Variants in DIS3L2 observed in about 807,000 individuals in gnomAD.
DIS3L2 encodes the protein DIS3-like exonuclease 2.
Under a neutral mutation model 97.5 loss-of-function variants are expected in DIS3L2, and 34 were observed. That is an observed-to-expected ratio of 0.35 (90% CI 0.27 to 0.46). The LOEUF is 0.46. Ranked by LOEUF, DIS3L2 falls within the 20% of genes least tolerant of loss-of-function variation. The pLI is 1.00. For synonymous variants in DIS3L2, 435 were observed against 445.2 expected, an observed-to-expected ratio of 0.98 and a Z score of 0.29; for missense variants, 1,038 against 1,146.0, an observed-to-expected ratio of 0.91 and a Z score of 1.36.
chr2:232,122,296 T>A lies in DIS3L2; in HGVS notation c.602-8323T>A, dbSNP rs140945694. Among the ~76,000 whole-genome samples the A allele has an allele frequency of 5.3e-4, 80 of 152,346 alleles. 1 individual carries two copies. The East Asian group carries it at 0.015, about 29-fold the overall frequency. ...TATTAATTTCATTTAATCCTCCCATTAACTCCTTAGGGTAAGTTACATTTT... is the reference window on the plus strand; with the variant it reads ...TATTAATTTCATTTAATCCTCCCATAAACTCCTTAGGGTAAGTTACATTTT... On this transcript the variant is annotated intron_variant, in intron 6 of 20. Transcript: ENST00000325385.
intron 5 of DIS3L2, among the ~76,000 whole-genome samples, chr2:232,064,385 C>T (rs947420724): frequency 6.6e-5 from 10 of 152,038 alleles, no homozygotes; most frequent in African/African-American, 9.7e-5. Flanking sequence ...TCACTGTTGC[C>T]GACTAGTATT....
At chr2:232,182,062 A>G (rs527512690) in intron 9 of DIS3L2, among the ~76,000 whole-genome samples, 1 of 152,270 alleles carries the variant, frequency 6.6e-6, no homozygotes, top group East Asian at 1.9e-4. Context: ...TTATAAAGGC[A>G]TTTACAGCTA....
intron 1 of DIS3L2, among the ~76,000 whole-genome samples, chr2:231,967,261 A>ATAATGC (rs1163384786): frequency 1.3e-5 from 2 of 152,218 alleles, no homozygotes; most frequent in Non-Finnish European, 2.9e-5. Flanking sequence ...AGGAAGTTAT[A>ATAATGC]TAATGCTAAT....
rs554730142 is a variant in DIS3L2, at chr2:232,275,332, T to G, written c.1659+11892T>G. Among the ~76,000 whole-genome samples, 271 of 152,348 alleles carry G rather than the reference T, an allele frequency of 1.8e-3. 3 individuals carry two copies. The highest frequency in any genetic ancestry group is 3.1e-3 in the Non-Finnish European group (209 of 68,040). ...TGTTAAGAAGGCAGATGTCTTACTGTTGCTTCCTTCAGATTTGTAAATCTA... is the reference window on the plus strand; with the variant it reads ...TGTTAAGAAGGCAGATGTCTTACTGGTGCTTCCTTCAGATTTGTAAATCTA... On this transcript the variant is annotated intron_variant, in intron 13 of 20. Coordinates refer to ENST00000325385, the MANE Select transcript of DIS3L2 (RefSeq NM_152383.5).
At chr2:232,015,095 A>G in intron 2 of DIS3L2, 116 bp downstream of exon 2, 7 of 948,828 alleles carry the variant, frequency 7.4e-6, no homozygotes, top group Non-Finnish European at 1.1e-5. Context: ...TCTTTTAGTG[A>G]CCTGTTAAGT....
chr2:232,336,081 C>T, intron 20 of DIS3L2: 1 of 1,541,488 alleles, frequency 6.5e-7, no homozygotes, highest in Non-Finnish European at 8.8e-7. Context: ...TGGGGGCAAC[C>T]ACAGTGGAGA....
intron 9 of DIS3L2, among the ~76,000 whole-genome samples, chr2:232,194,601 C>T (rs1024559690): frequency 6.6e-6 from 1 of 152,142 alleles, no homozygotes; most frequent in East Asian, 1.9e-4. Context: ...ATTGTACGTT[C>T]TAAGAATTGA....
intron 6 of DIS3L2, among the ~76,000 whole-genome samples, chr2:232,127,237 A>G (rs989320716): frequency 1.3e-5 from 2 of 152,074 alleles, no homozygotes; most frequent in African/African-American, 4.8e-5. Context: ...CAGTTTCTTC[A>G]CTTAAAAGTC....
intron 12 of DIS3L2, among the ~76,000 whole-genome samples, chr2:232,255,826 G>A (rs1693545806): frequency 6.6e-6 from 1 of 152,134 alleles, no homozygotes; most frequent in East Asian, 1.9e-4. Context: ...ATTTACTTAG[G>A]TCAAAAACCA....
chr2:232,146,256 C>A (rs181873399), intron 8 of DIS3L2, among the ~76,000 whole-genome samples: 1 of 152,220 alleles, frequency 6.6e-6, no homozygotes, highest in East Asian at 1.9e-4. Context: ...ATGATGCCAA[C>A]AGTACTAAGA....
At chr2:232,243,627 G>A (rs1408403712) in intron 11 of DIS3L2, among the ~76,000 whole-genome samples, 7 of 152,200 alleles carry the variant, frequency 4.6e-5, no homozygotes, top group Non-Finnish European at 7.3e-5. Flanking sequence ...GACAATAGAT[G>A]TCTTCAGCCT....
In DIS3L2 at chr2:232,325,251, C is replaced by T. The variant is rs559697742; in HGVS notation, c.1740-4562C>T. 1.3e-5 allele frequency among the ~76,000 whole-genome samples: 2 copies of T among 152,354 alleles called. No individual in the cohort carries two copies. The highest frequency in any genetic ancestry group is 3.4e-3 in the Middle Eastern group (1 of 294). On this transcript the variant is annotated intron_variant, in intron 14 of 20. Coordinates refer to ENST00000325385, the MANE Select transcript of DIS3L2 (RefSeq NM_152383.5). This position sits in a 1 kb window ranked among gnomAD's most constrained non-coding sequence, Gnocchi z 4.6. The stretch of plus-strand genomic sequence containing the variant: ...TGGCTGGCTCTGCAGTCTTGATGCT[C>T]GCCGGCACCTTCAGGGTGAAGGACG...
At chr2:232,081,946 TGC>T in intron 5 of DIS3L2, among the ~76,000 whole-genome samples, 1 of 152,210 alleles carries the variant, frequency 6.6e-6, no homozygotes, top group African/African-American at 2.4e-5. Flanking sequence ...CATGCCACCA[TGC>T]CTGGCTAATT....
chr2:232,195,606 G>A (rs928703846), intron 9 of DIS3L2, among the ~76,000 whole-genome samples: 1 of 151,554 alleles, frequency 6.6e-6, no homozygotes, highest in African/African-American at 2.4e-5. Context: ...GACCAGGTGA[G>A]CCAGTTTACA....
chr2:232,101,414 G>A (rs1697202165), intron 6 of DIS3L2, among the ~76,000 whole-genome samples: 2 of 151,974 alleles, frequency 1.3e-5, no homozygotes, highest in South Asian at 4.2e-4. Flanking sequence ...TTGTATACAT[G>A]CATATCCATA....
chr2:232,143,027 G>T (rs149211422), intron 8 of DIS3L2, among the ~76,000 whole-genome samples: 3 of 152,146 alleles, frequency 2.0e-5, no homozygotes, highest in African/African-American at 7.2e-5. Context: ...TCTAAATATC[G>T]TCTAGTTGTA....
chr2:232,032,152 C>T (rs1694822206), intron 5 of DIS3L2, among the ~76,000 whole-genome samples: 1 of 152,200 alleles, frequency 6.6e-6, no homozygotes, highest in South Asian at 2.1e-4. Context: ...TCTATTTCTC[C>T]ATATCCTCTC....
rs186449500 is a variant in DIS3L2, at chr2:232,062,014, A to G, written c.367-25473A>G. On this transcript the variant is annotated intron_variant, in intron 5 of 20. Coordinates refer to ENST00000325385, the MANE Select transcript of DIS3L2 (RefSeq NM_152383.5). ...GAAAACAACTTCTTTAGACAGATAT[A>G]TTTTTTTAAAATTAGGTCATTACTT... Among the ~76,000 whole-genome samples the G allele has an allele frequency of 1.8e-4, 25 of 142,610 alleles. No individual in the cohort carries two copies. The East Asian group carries it at 5.4e-3, about 31-fold the overall frequency. 93.6% of individuals were successfully genotyped at this position (142,610 alleles called of 152,430 possible).
chr2:232,334,406 G>GCTGT lies in DIS3L2; in HGVS notation c.2197_2198insTGTC (p.Gln733LeufsTer9). ...GACTAGACATGGCGCCCGATACCCT[G>GCTGT]CAGAAACAGGCGGACCACTGTAACG... On this transcript the variant is annotated frameshift_variant, in exon 18 of 21. Transcript: ENST00000325385. LOFTEE classifies it high-confidence loss of function. The GCTGT allele has an allele frequency of 1.2e-6, 2 of 1,613,760 alleles. No homozygotes were observed. Among genetic ancestry groups the GCTGT allele is most frequent in the Non-Finnish European group, 1.7e-6 (2 of 1,180,006 alleles).
Sources: allele counts gnomAD v4.1 joint callset (sites outside exome capture counted in the v4.1 genomes callset), GRCh38; gene constraint gnomAD v4.1.1; non-coding constraint Gnocchi (gnomAD v3.1); transcripts MANE v1.5; gene names NCBI Gene and HGNC (gene_info 2026-07-23, HGNC 2026-07-21).